Variants in FOXP2 observed in about 807,000 individuals in gnomAD.
FOXP2 encodes forkhead box P2.
Under a neutral mutation model 115.8 loss-of-function variants are expected in FOXP2, and 12 were observed. The ratio of observed to expected loss-of-function variants is 0.10; its 90% CI spans 0.07 to 0.17. The LOEUF (loss-of-function observed/expected upper bound fraction) is 0.17. Ranked by LOEUF, FOXP2 falls within the 10% of genes least tolerant of loss-of-function variation. FOXP2 has a pLI of 1.00. For missense variants in FOXP2, 629 were observed against 843.5 expected (o/e 0.75, Z 3.15); for synonymous variants, 328 against 297.7 (o/e 1.10, Z -1.05).
At position 114,644,781 on chromosome 7, in the gene FOXP2, G is replaced by A; in HGVS notation, c.1086G>A (p.Gln362=). 1 of 1,607,264 alleles carries A rather than the reference G, an allele frequency of 6.2e-7. No homozygotes were observed. The highest frequency in any genetic ancestry group is 8.5e-7 in the Non-Finnish European group (1 of 1,174,894). ...GCESICEDFG[Q]FLKHLNNEHA... ...AAAGCATTTGTGAAGATTTTGGACAGTTTTTAAAGTAGGTTTTTTACTTTT... is the reference window on the plus strand; with the variant it reads ...AAAGCATTTGTGAAGATTTTGGACAATTTTTAAAGTAGGTTTTTTACTTTT... The change falls in exon 8 of 17, where the codon CAG becomes CAA. Residue 362 remains glutamine, a synonymous_variant. Coordinates refer to ENST00000350908, the MANE Select transcript of FOXP2 (RefSeq NM_014491.4).
intron 1 of FOXP2, among the ~76,000 whole-genome samples, chr7:114,213,848 T>A (rs1014687345): frequency 1.6e-4 from 25 of 152,164 alleles, no homozygotes; most frequent in African/African-American, 5.8e-4. Context: ...CAAATGTTGA[T>A]ACGCAAAGAA....
intron 3 of FOXP2, among the ~76,000 whole-genome samples, chr7:114,595,583 A>G (rs1245168008): frequency 3.9e-5 from 6 of 152,108 alleles, no homozygotes; most frequent in African/African-American, 9.6e-5. Context: ...ATTTTGGTAT[A>G]TAATAGAGGT....
chr7:114,393,548 G>T (rs535773786), intron 2 of FOXP2, among the ~76,000 whole-genome samples: 7 of 152,212 alleles, frequency 4.6e-5, no homozygotes, highest in African/African-American at 1.7e-4. Flanking sequence ...GCTGAAGGGG[G>T]CGTCCTTATG....
intron 1 of FOXP2, among the ~76,000 whole-genome samples, chr7:114,153,625 T>C (rs1783694152): frequency 6.6e-6 from 1 of 152,158 alleles, no homozygotes; most frequent in African/African-American, 2.4e-5. Context: ...TAGTGCATTA[T>C]ATTTGCAAAG....
chr7:114,537,294 G>A (rs1799441668), intron 3 of FOXP2, among the ~76,000 whole-genome samples: 2 of 151,506 alleles, frequency 1.3e-5, no homozygotes, highest in African/African-American at 2.4e-5. Context: ...AAATCTGTAG[G>A]TGCAAGGCAA....
Position 114,534,526 on chromosome 7 carries a change from G to C in FOXP2, c.169-91G>C, listed in dbSNP as rs549592688. On this transcript the variant is annotated intron_variant, in intron 2 of 16. Transcript: ENST00000350908. Reference sequence around the variant, plus strand: ...TCTAGAAAGGAATATGGGAGTTCTTGTACATTGAAGCCTTTTACTATTAAC... The same window carrying C: ...TCTAGAAAGGAATATGGGAGTTCTTCTACATTGAAGCCTTTTACTATTAAC... 5.8e-6 allele frequency: 6 copies of C among 1,028,552 alleles called. No homozygotes were observed. The African/African-American group carries it at 7.9e-5, about 14-fold the overall frequency. 63.7% of individuals were successfully genotyped at this position (1,028,552 alleles called of 1,614,324 possible).
At position 114,611,018 on chromosome 7, in the gene FOXP2, G is replaced by A. The variant is rs553276500; in HGVS notation, c.259-17522G>A. 9.9e-5 allele frequency among the ~76,000 whole-genome samples: 15 copies of A among 152,190 alleles called. No homozygotes were observed. In the South Asian group the frequency reaches 2.5e-3, roughly 25 times the overall value. On this transcript the variant is annotated intron_variant, in intron 3 of 16. Coordinates refer to ENST00000350908, the MANE Select transcript of FOXP2 (RefSeq NM_014491.4). ...GAAGGGAAATAATTTGAGATAAAAC[G>A]TGTGAAATTCTGTGTGTAAGACATA...
intron 2 of FOXP2, among the ~76,000 whole-genome samples, chr7:114,395,590 A>C (rs2129195310): frequency 6.6e-6 from 1 of 152,280 alleles, no homozygotes; most frequent in East Asian, 1.9e-4. Flanking sequence ...TACCCAGAAT[A>C]CTTTTATATA....
intron 16 of FOXP2, among the ~76,000 whole-genome samples, chr7:114,678,690 G>A (rs537700583): frequency 1.8e-4 from 27 of 150,912 alleles, no homozygotes; most frequent in Non-Finnish European, 2.9e-4. Flanking sequence ...TAAAATGTCC[G>A]GAGACCACAC....
chr7:114,654,126 A>G (rs1014060992), intron 10 of FOXP2, 117 bp downstream of exon 10: 20 of 1,579,732 alleles, frequency 1.3e-5, no homozygotes, highest in Non-Finnish European at 2.6e-6. Context: ...ACGGCAATAA[A>G]ATGAAAGTAA....
At chr7:114,340,143 T>C (rs368091610) in intron 2 of FOXP2, among the ~76,000 whole-genome samples, 1 of 151,166 alleles carries the variant, frequency 6.6e-6, no homozygotes, top group Non-Finnish European at 1.5e-5. Context: ...AAAACCTGTA[T>C]TTTATTTGGG....
chr7:114,181,277 AAT>A (rs143721093), intron 1 of FOXP2, among the ~76,000 whole-genome samples: 17 of 146,118 alleles, frequency 1.2e-4, no homozygotes, highest in East Asian at 9.9e-4. Context: ...CTAATAAATT[AAT>A]ATATATATAT....
intron 2 of FOXP2, among the ~76,000 whole-genome samples, chr7:114,404,224 A>T (rs765039685): frequency 2.0e-5 from 3 of 152,232 alleles, no homozygotes; most frequent in Admixed American, 1.3e-4. Context: ...AGTCTAGTTG[A>T]CTTAGAGAAA....
intron 14 of FOXP2, among the ~76,000 whole-genome samples, chr7:114,663,082 C>T (rs893097449): frequency 6.6e-6 from 1 of 151,948 alleles, no homozygotes; most frequent in Non-Finnish European, 1.5e-5. Context: ...TAATTATTTC[C>T]TGATTGCATC....
At chr7:114,525,232 C>T (rs1798802890) in intron 2 of FOXP2, among the ~76,000 whole-genome samples, 1 of 152,180 alleles carries the variant, frequency 6.6e-6, no homozygotes, top group Non-Finnish European at 1.5e-5. Flanking sequence ...CCTAGAAGAA[C>T]TGATACTCAC....
intron 1 of FOXP2, among the ~76,000 whole-genome samples, chr7:114,173,777 A>G (rs1377691778): frequency 1.3e-5 from 2 of 151,966 alleles, no homozygotes; most frequent in African/African-American, 4.8e-5. Context: ...ATAAAATCAG[A>G]TTTTGTTTTA....
intron 1 of FOXP2, 91 bp from the exon 2 acceptor site, chr7:114,426,411 G>T: frequency 8.4e-7 from 1 of 1,192,858 alleles, no homozygotes; most frequent in Non-Finnish European, 1.2e-6. Context: ...TTCTAAAGAT[G>T]CTGTCTCTGT....
At chr7:114,620,257 C>T (rs539934669) in intron 3 of FOXP2, among the ~76,000 whole-genome samples, 1 of 151,990 alleles carries the variant, frequency 6.6e-6, no homozygotes, top group African/African-American at 2.4e-5. Context: ...TTAGAAATAA[C>T]AGCAACAAAT....
chr7:114,654,266 C>T, intron 10 of FOXP2: 1 of 773,724 alleles, frequency 1.3e-6, no homozygotes, highest in Non-Finnish European at 1.9e-6. Flanking sequence ...TGCCTTGGGG[C>T]TGAAGCCAGA....
Sources: allele counts gnomAD v4.1 joint callset (sites outside exome capture counted in the v4.1 genomes callset), GRCh38; gene constraint gnomAD v4.1.1; transcripts MANE v1.5; gene names NCBI Gene and HGNC (gene_info 2026-07-23, HGNC 2026-07-21).